The following GALNT14 variants were observed in gnomAD, a reference collection of about 807,000 sequenced individuals.
GALNT14 encodes the protein polypeptide N-acetylgalactosaminyltransferase 14.
Under a neutral mutation model 77.5 loss-of-function variants are expected in GALNT14, and 60 were observed. That is an observed-to-expected ratio of 0.77 (90% CI 0.63 to 0.96). The LOEUF (loss-of-function observed/expected upper bound fraction) is 0.96. GALNT14 is among the 40% of genes least tolerant of loss of function. The pLI is 0.00. For missense variants in GALNT14, 710 were observed against 731.0 expected, an observed-to-expected ratio of 0.97 and a Z score of 0.33; for synonymous variants, 280 against 281.7, an observed-to-expected ratio of 0.99 and a Z score of 0.06.
At chr2:30,971,664 A>G (rs745945469) in intron 2 of GALNT14, among the ~76,000 whole-genome samples, 1 of 152,124 alleles carries the variant, frequency 6.6e-6, no homozygotes, top group Non-Finnish European at 1.5e-5. Context: ...TGCTTCCAGG[A>G]AAGTGCTCTG....
intron 1 of GALNT14, among the ~76,000 whole-genome samples, chr2:31,062,483 C>G (rs1251206340): frequency 1.3e-5 from 2 of 152,144 alleles, no homozygotes; most frequent in African/African-American, 4.8e-5. Flanking sequence ...TGGGTTGGTT[C>G]CAAGTCTTTG....
chr2:31,021,571 G>C (rs1425691581), intron 1 of GALNT14, among the ~76,000 whole-genome samples: 2 of 152,118 alleles, frequency 1.3e-5, no homozygotes, highest in Non-Finnish European at 2.9e-5. Flanking sequence ...CTCCCAAAGT[G>C]CTGGGATTAT....
chr2:31,137,815 G>C (rs959529432), intron 1 of GALNT14, 143 bp downstream of exon 1: 5 of 1,051,168 alleles, frequency 4.8e-6, no homozygotes, highest in Middle Eastern at 2.6e-4. Context: ...AACATCACAT[G>C]GTAGCCACAT....
At chr2:30,972,691 C>A (rs567092495) in intron 2 of GALNT14, among the ~76,000 whole-genome samples, 2 of 152,334 alleles carry the variant, frequency 1.3e-5, no homozygotes, top group East Asian at 3.9e-4. Context: ...TGACTCAGGT[C>A]TATTCTGTGG....
downstream of GALNT14, among the ~76,000 whole-genome samples, chr2:30,906,267 A>C (rs557164158): frequency 2.0e-5 from 3 of 151,704 alleles, no homozygotes; most frequent in African/African-American, 7.3e-5. Flanking sequence ...ACAGACTGGC[A>C]AATTGGAGAG....
chr2:30,929,864 A>G (rs1412522308), intron 10 of GALNT14, among the ~76,000 whole-genome samples: 1 of 152,070 alleles, frequency 6.6e-6, no homozygotes, highest in Non-Finnish European at 1.5e-5. Context: ...TTTCACATAC[A>G]CCTTACACAC....
intron 1 of GALNT14, among the ~76,000 whole-genome samples, chr2:31,136,323 G>A (rs1484025257): frequency 6.6e-6 from 1 of 150,464 alleles, no homozygotes; most frequent in African/African-American, 2.5e-5. Flanking sequence ...CACACAACGT[G>A]CTGTGTCATT....
chr2:30,909,136 G>A (rs1323114841), downstream of GALNT14, among the ~76,000 whole-genome samples: 2 of 151,924 alleles, frequency 1.3e-5, no homozygotes, highest in East Asian at 3.9e-4. Flanking sequence ...TACCATTCAG[G>A]ACATAGGCAC....
At chr2:31,040,604 G>C (rs1177535540) in intron 1 of GALNT14, among the ~76,000 whole-genome samples, 1 of 152,160 alleles carries the variant, frequency 6.6e-6, no homozygotes, top group African/African-American at 2.4e-5. Flanking sequence ...GGAAACACTG[G>C]CTTGCAGACC....
intron 1 of GALNT14, among the ~76,000 whole-genome samples, chr2:31,082,901 C>T (rs1448285708): frequency 2.0e-5 from 3 of 152,084 alleles, no homozygotes; most frequent in Non-Finnish European, 2.9e-5. Flanking sequence ...GCCTGTAGTT[C>T]CAGCTAGTAG....
chr2:31,036,030 T>C (rs759953775), intron 1 of GALNT14, among the ~76,000 whole-genome samples: 1 of 152,194 alleles, frequency 6.6e-6, no homozygotes, highest in Non-Finnish European at 1.5e-5. Flanking sequence ...AAAAACATAA[T>C]AAAGTGTGTG....
At chr2:31,131,852 T>TTAG (rs1257844749) in intron 1 of GALNT14, among the ~76,000 whole-genome samples, 1 of 152,118 alleles carries the variant, frequency 6.6e-6, no homozygotes, top group African/African-American at 2.4e-5. Flanking sequence ...CTGAAAAAGG[T>TTAG]TAGTCTCTGG....
downstream of GALNT14, among the ~76,000 whole-genome samples, chr2:30,908,950 C>A (rs1012888398): frequency 6.6e-6 from 1 of 151,372 alleles, no homozygotes; most frequent in Non-Finnish European, 1.5e-5. Flanking sequence ...GAAAAACAAG[C>A]AATGGGGAAA....
rs188339519 is a variant in GALNT14 at position 30,971,117 on chromosome 2, T to C, written c.300-4815A>G. 3.3e-5 allele frequency among the ~76,000 whole-genome samples: 5 copies of C among 151,960 alleles called. No homozygotes were observed. The East Asian group carries it at 9.7e-4, about 30-fold the overall frequency. On this transcript the variant is annotated intron_variant, in intron 2 of 14. Transcript: ENST00000349752. Reference sequence around the variant, plus strand: ...AGCATGGGGATAGGCAGCAACAAGGTTGAGAGTCTGAGAAAAAAATCCAGA... The same window carrying C: ...AGCATGGGGATAGGCAGCAACAAGGCTGAGAGTCTGAGAAAAAAATCCAGA...
intron 1 of GALNT14, among the ~76,000 whole-genome samples, chr2:31,084,907 C>T (rs1171779312): frequency 6.6e-6 from 1 of 152,092 alleles, no homozygotes; most frequent in African/African-American, 2.4e-5. Context: ...CACCTGTAAT[C>T]CCAGCTACTC....
At chr2:31,009,665 T>C (rs1670897756) in intron 1 of GALNT14, among the ~76,000 whole-genome samples, 1 of 152,196 alleles carries the variant, frequency 6.6e-6, no homozygotes, top group African/African-American at 2.4e-5. Flanking sequence ...CAAATGGAAC[T>C]CTTGATTTGC....
intron 10 of GALNT14, among the ~76,000 whole-genome samples, chr2:30,930,234 A>T (rs977618235): frequency 2.0e-5 from 3 of 152,230 alleles, no homozygotes; most frequent in African/African-American, 7.2e-5. Context: ...CTGCATGGGC[A>T]TCTAGCTTCT....
chr2:30,996,044 A>C (rs764186593), intron 1 of GALNT14, among the ~76,000 whole-genome samples: 1 of 152,120 alleles, frequency 6.6e-6, no homozygotes, highest in Non-Finnish European at 1.5e-5. Context: ...CCTTCAGTGA[A>C]TTAGACGGGG....
chr2:31,111,537 C>T (rs985904398), intron 1 of GALNT14, among the ~76,000 whole-genome samples: 2 of 152,200 alleles, frequency 1.3e-5, no homozygotes, highest in Admixed American at 6.5e-5. Context: ...GGCTTTTACC[C>T]ATGGCTTTAA....
Sources: allele counts gnomAD v4.1 joint callset (sites outside exome capture counted in the v4.1 genomes callset), GRCh38; gene constraint gnomAD v4.1.1; transcripts MANE v1.5; gene names NCBI Gene and HGNC (gene_info 2026-07-23, HGNC 2026-07-21).